The following CLEC12A variants were observed in gnomAD, a reference collection of about 807,000 sequenced individuals.
The protein encoded by CLEC12A is C-type lectin domain family 12 member A, also known as C-type lectin protein CLL-1.
CLEC12A carries 22 observed loss-of-function variants against 26.5 expected under a neutral mutation model. That is an observed-to-expected ratio of 0.83 (90% CI 0.59 to 1.19). CLEC12A has a LOEUF of 1.19. Ranked by LOEUF, CLEC12A falls within the 50% of genes most tolerant of loss-of-function variation. The pLI is 0.00. For synonymous variants in CLEC12A, 119 were observed against 101.9 expected, an observed-to-expected ratio of 1.17 and a Z score of -1.01; for missense variants, 353 against 315.6, an observed-to-expected ratio of 1.12 and a Z score of -0.90.
chr12:9,973,898 C>A (rs140099113), intron 1 of CLEC12A, among the ~76,000 whole-genome samples: 11 of 152,278 alleles, frequency 7.2e-5, no homozygotes, highest in South Asian at 2.1e-4. Flanking sequence ...CCAATATACT[C>A]TGCTACTCCT....
intron 1 of CLEC12A, among the ~76,000 whole-genome samples, chr12:9,955,289 A>G (rs545395241): frequency 2.1e-4 from 32 of 152,192 alleles, no homozygotes; most frequent in Non-Finnish European, 1.0e-4. Flanking sequence ...AGGTTTCACC[A>G]TGTTAGCCAG....
chr12:9,958,653 TGG>T (rs1028450554), intron 1 of CLEC12A, among the ~76,000 whole-genome samples: 3 of 152,220 alleles, frequency 2.0e-5, no homozygotes, highest in African/African-American at 7.2e-5. Flanking sequence ...AGGACTTTCC[TGG>T]GGCTTGGACC....
chr12:9,986,597 G>C (rs1050883038), downstream of CLEC12A, among the ~76,000 whole-genome samples: 2 of 152,138 alleles, frequency 1.3e-5, no homozygotes, highest in African/African-American at 4.8e-5. Context: ...GATTGCCTGA[G>C]GTCAGGAGTT....
intron 1 of CLEC12A, chr12:9,951,612 A>T (rs1410450347): frequency 2.0e-6 from 1 of 499,080 alleles, no homozygotes; most frequent in Admixed American, 3.3e-5. Context: ...CCATTTGCAG[A>T]TTGAACTAGC....
At chr12:9,968,219 G>A (rs576667985), upstream of CLEC12A, among the ~76,000 whole-genome samples, 5 of 152,280 alleles carry the variant, frequency 3.3e-5, no homozygotes, top group Middle Eastern at 3.4e-3. Context: ...AGGAGGACAG[G>A]GGATTGATCT....
chr12:10,002,040 T>C, the CLEC12A span, among the ~76,000 whole-genome samples: 89 of 151,796 alleles, frequency 5.9e-4, no homozygotes, highest in East Asian at 3.1e-3. Flanking sequence ...CCACCACGCC[T>C]GGCTAATTTT....
chr12:9,977,121 G>T (rs185706851), intron 1 of CLEC12A, among the ~76,000 whole-genome samples: 90 of 152,216 alleles, frequency 5.9e-4, no homozygotes, highest in Middle Eastern at 3.4e-3. Flanking sequence ...TTATCACTAT[G>T]AGATACTGCC....
At chr12:9,994,810 AACAC>A (rs779892673) in intron 4 of CLEC12A, among the ~76,000 whole-genome samples, 11 of 149,184 alleles carry the variant, frequency 7.4e-5, no homozygotes, top group African/African-American at 2.5e-4. Context: ...AAAACACAAA[AACAC>A]ACACACATGT....
chr12:9,972,783 C>G (rs767013404), intron 1 of CLEC12A, among the ~76,000 whole-genome samples: 56 of 152,042 alleles, frequency 3.7e-4, no homozygotes, highest in Non-Finnish European at 8.8e-5. Flanking sequence ...TTTTTTAATA[C>G]TGAAATTTTT....
At chr12:10,004,929 C>T in the CLEC12A span, among the ~76,000 whole-genome samples, 5 of 149,928 alleles carry the variant, frequency 3.3e-5, no homozygotes, top group South Asian at 2.1e-4. Context: ...CCCGACCCCA[C>T]GACAGGCCCC....
chr12:9,971,137 A>C (rs1281272567), upstream of CLEC12A, among the ~76,000 whole-genome samples: 1 of 152,110 alleles, frequency 6.6e-6, no homozygotes, highest in African/African-American at 2.4e-5. Flanking sequence ...ACAGCTGCAG[A>C]TTAGTGAGTG....
At chr12:9,997,237 C>A (rs771729842), downstream of CLEC12A, 8 of 1,613,174 alleles carry the variant, frequency 5.0e-6, no homozygotes, top group South Asian at 1.1e-5. Context: ...AGTTCCTGTG[C>A]GATTTTCATT....
chr12:9,972,281 A>C (rs1864161100), intron 1 of CLEC12A, among the ~76,000 whole-genome samples: 1 of 152,196 alleles, frequency 6.6e-6, no homozygotes, highest in Non-Finnish European at 1.5e-5. Context: ...AGAAGACATA[A>C]TATATTCATA....
rs149729818 is a variant in CLEC12A at position 9,979,480 on chromosome 12, C to T, written c.335C>T (p.Thr112Ile). Residue 112 changes from threonine to isoleucine, a missense_variant, in exon 3 of 6, where the codon ACA becomes ATA. Transcript: ENST00000304361. ...KIRNLSTTLQTIATKLCRELY... is the reference protein window; with the variant it reads ...KIRNLSTTLQIIATKLCRELY... ...AGGAACCTCTCCACCACACTGCAAA[C>T]AATAGCCACCAAATTATGTCGTGAG... The T allele has an allele frequency of 1.1e-5, 18 of 1,613,192 alleles. No homozygotes were observed. In the African/African-American group the frequency reaches 2.3e-4, roughly 20 times the overall value.
chr12:9,988,980 T>G (rs1864831839), downstream of CLEC12A, among the ~76,000 whole-genome samples: 1 of 152,082 alleles, frequency 6.6e-6, no homozygotes. Flanking sequence ...CCAACAGTGA[T>G]AGACTGGATT....
intron 5 of CLEC12A, among the ~76,000 whole-genome samples, chr12:9,982,341 G>A (rs1417715331): frequency 1.3e-5 from 2 of 151,952 alleles, no homozygotes; most frequent in African/African-American, 2.4e-5. Context: ...CAAAATTACA[G>A]CAGCCAAATT....
chr12:9,999,657 T>A (rs536734447), downstream of CLEC12A, among the ~76,000 whole-genome samples: 40 of 152,212 alleles, frequency 2.6e-4, no homozygotes, highest in Admixed American at 1.6e-3. Context: ...TTACACAACT[T>A]CTTGCATATT....
chr12:9,996,886 A>C, downstream of CLEC12A: 2 of 1,614,108 alleles, frequency 1.2e-6, no homozygotes, highest in South Asian at 1.1e-5. Context: ...AGTAGCATTC[A>C]TGTCAGTGCA....
At chr12:9,975,797 C>A (rs1208852754) in intron 1 of CLEC12A, among the ~76,000 whole-genome samples, 2 of 152,206 alleles carry the variant, frequency 1.3e-5, no homozygotes, top group East Asian at 3.9e-4. Flanking sequence ...TGCCCAGAGG[C>A]CTAGGAGGAA....
Sources: gnomAD v4.1 joint callset for allele counts (sites outside exome capture counted in the v4.1 genomes callset) on GRCh38, gnomAD v4.1.1 for gene constraint, MANE v1.5 for transcripts, NCBI Gene and HGNC (gene_info 2026-07-23, HGNC 2026-07-21) for gene names.